ANKRD17: variants seen among roughly 807,000 people sequenced by gnomAD.
ANKRD17 encodes the protein ankyrin repeat domain 17.
A neutral mutation model predicts 229.7 loss-of-function variants in ANKRD17; 19 were observed. The ratio of observed to expected loss-of-function variants is 0.08; its 90% CI spans 0.06 to 0.12. The LOEUF is 0.12. Among genes scored for constraint, ANKRD17 ranks in the 10% least tolerant of loss-of-function variants. ANKRD17 has a pLI of 1.00. For synonymous variants in ANKRD17, 1,112 were observed against 1,146.1 expected (o/e 0.97, Z 0.60); for missense variants, 2,176 against 3,176.8 (o/e 0.68, Z 7.57).
At chr4:73,145,810 A>C (rs1235740742) in intron 10 of ANKRD17, among the ~76,000 whole-genome samples, 1 of 152,178 alleles carries the variant, frequency 6.6e-6, no homozygotes, top group Non-Finnish European at 1.5e-5. Context: ...AAGTGGCCCC[A>C]GCAATAATCT....
intron 1 of ANKRD17, among the ~76,000 whole-genome samples, chr4:73,226,373 T>C (rs1010095025): frequency 2.0e-5 from 3 of 149,026 alleles, no homozygotes; most frequent in African/African-American, 7.4e-5. Flanking sequence ...CTAATAGTAA[T>C]AATTTCTTTT....
At chr4:73,103,724 C>T (rs1298609414) in intron 24 of ANKRD17, among the ~76,000 whole-genome samples, 1 of 152,104 alleles carries the variant, frequency 6.6e-6, no homozygotes, top group Non-Finnish European at 1.5e-5. Flanking sequence ...AATTCATAAG[C>T]CAAACAATAT....
rs80308728 is a variant in ANKRD17 at position 73,173,518 on chromosome 4, C to T, written c.547+3862G>A. Among the ~76,000 whole-genome samples, 393 of 152,224 alleles carry T rather than the reference C, an allele frequency of 2.6e-3. 2 individuals carry two copies. The highest frequency in any genetic ancestry group is 8.8e-3 in the African/African-American group (364 of 41,530). ...ATGTGGAGACTCACACCACAAACTC[C>T]GGCTCTAAGAACCACTGCAGGAACA... On this transcript the variant is annotated intron_variant, in intron 2 of 33. Coordinates refer to ENST00000358602, the MANE Select transcript of ANKRD17 (RefSeq NM_032217.5).
At chr4:73,221,787 A>G (rs1042335084) in intron 1 of ANKRD17, among the ~76,000 whole-genome samples, 2 of 152,226 alleles carry the variant, frequency 1.3e-5, no homozygotes, top group African/African-American at 4.8e-5. Flanking sequence ...AGGAAAGGGG[A>G]AAAGAGCACA....
Position 73,147,251 on chromosome 4 carries a change from T to C in ANKRD17, c.1749A>G (p.Leu583=), listed in dbSNP as rs1730410329. The change falls in exon 9 of 34, where the codon TTA becomes TTG. Residue 583 remains leucine (L), a synonymous_variant. Transcript: ENST00000358602. The part of the protein sequence containing the change: ...QEGHLELVKY[L]LAAGANVHAT... ...TGCAAAAATGCCTACCTGCAGCTAA[T>C]AAGTATTTAACTAACTCCAAATGAC... 1.9e-6 allele frequency: 3 copies of C among 1,539,636 alleles called. No homozygotes were observed. Among genetic ancestry groups the C allele is most frequent in the Non-Finnish European group, 2.6e-6 (3 of 1,144,922 alleles).
intron 5 of ANKRD17, 128 bp from the exon 6 acceptor site, chr4:73,154,241 A>C (rs1578208325): frequency 2.4e-6 from 1 of 411,744 alleles, no homozygotes; most frequent in Non-Finnish European, 4.0e-6. Flanking sequence ...ACATATACAT[A>C]TATGTAAATA....
At chr4:73,083,897 T>C (rs1721819723) in intron 30 of ANKRD17, among the ~76,000 whole-genome samples, 1 of 150,786 alleles carries the variant, frequency 6.6e-6, no homozygotes, top group South Asian at 2.1e-4. Context: ...TGTTATTTAT[T>C]CCAGTATTGC....
chr4:73,161,443 A>T, intron 2 of ANKRD17, 95 bp from the exon 3 acceptor site: 1 of 1,263,448 alleles, frequency 7.9e-7, no homozygotes, highest in Non-Finnish European at 1.1e-6. Flanking sequence ...ATGTTAACAA[A>T]TAACCTCCAA....
intron 22 of ANKRD17, among the ~76,000 whole-genome samples, chr4:73,117,066 T>A (rs1398577128): frequency 6.6e-6 from 1 of 151,998 alleles, no homozygotes. Flanking sequence ...TAATAACATA[T>A]AAAAATATGT....
chr4:73,222,982 T>A, intron 1 of ANKRD17: 2 of 1,535,012 alleles, frequency 1.3e-6, no homozygotes, highest in Non-Finnish European at 1.7e-6. Flanking sequence ...ACCTCAAGAA[T>A]GTCTTCTAGA....
chr4:73,215,475 G>C (rs1016234885), intron 1 of ANKRD17, among the ~76,000 whole-genome samples: 42 of 152,174 alleles, frequency 2.8e-4, no homozygotes, highest in Non-Finnish European at 1.0e-4. Flanking sequence ...GGCCAGGATG[G>C]TTTTGATCTC....
intron 1 of ANKRD17, among the ~76,000 whole-genome samples, chr4:73,227,604 A>C (rs1195463343): frequency 1.3e-5 from 2 of 152,142 alleles, no homozygotes; most frequent in Non-Finnish European, 2.9e-5. Flanking sequence ...TAAACATATA[A>C]AAATAATTTA....
intron 1 of ANKRD17, among the ~76,000 whole-genome samples, chr4:73,247,333 CAT>C (rs1744588711): frequency 6.6e-6 from 1 of 152,012 alleles, no homozygotes; most frequent in East Asian, 1.9e-4. Context: ...TCAAATTTAA[CAT>C]GTGCATACTC....
At chr4:73,151,634 A>T in intron 6 of ANKRD17, 110 bp from the exon 7 acceptor site, 1 of 779,592 alleles carries the variant, frequency 1.3e-6, no homozygotes, top group Non-Finnish European at 1.9e-6. Flanking sequence ...TTAAATTTAT[A>T]AGCATAATAA....
At chr4:73,175,575 C>T (rs553532014) in intron 2 of ANKRD17, among the ~76,000 whole-genome samples, 4 of 152,222 alleles carry the variant, frequency 2.6e-5, no homozygotes, top group East Asian at 1.9e-4. Flanking sequence ...GTTATAGTAA[C>T]CAAAATGGCA....
chr4:73,081,870 G>A (rs1721603380), intron 30 of ANKRD17, among the ~76,000 whole-genome samples: 1 of 152,214 alleles, frequency 6.6e-6, no homozygotes, highest in South Asian at 2.1e-4. Flanking sequence ...GGGCCACTGG[G>A]TGTGGTGGCT....
intron 16 of ANKRD17, among the ~76,000 whole-genome samples, chr4:73,131,828 C>A (rs577670062): frequency 2.6e-5 from 4 of 152,210 alleles, no homozygotes; most frequent in African/African-American, 9.6e-5. Flanking sequence ...ATCTGCAAGG[C>A]ATTAAGCCTG....
chr4:73,176,361 A>T (rs1734734107), intron 2 of ANKRD17, among the ~76,000 whole-genome samples: 1 of 150,776 alleles, frequency 6.6e-6, no homozygotes, highest in Non-Finnish European at 1.5e-5. Flanking sequence ...GAGAATGTAA[A>T]TTAATACAAC....
rs776005331 is a variant in ANKRD17, at chr4:73,136,656, T to TA, written c.3086-1392dup. Among the ~76,000 whole-genome samples the TA allele has an allele frequency of 6.8e-4, 104 of 152,140 alleles. 1 individual carries two copies. The highest frequency in any genetic ancestry group is 4.1e-4 in the Non-Finnish European group (28 of 67,970). The stretch of plus-strand genomic sequence containing the variant: ...GATAATCTAGCGATCTGGATATTGT[T>TA]ACTCCATATTGATAGTTTTGTATGT... On this transcript the variant is annotated intron_variant, in intron 15 of 33. Coordinates refer to ENST00000358602, the MANE Select transcript of ANKRD17 (RefSeq NM_032217.5).
Sources: allele counts gnomAD v4.1 joint callset (sites outside exome capture counted in the v4.1 genomes callset), GRCh38; gene constraint gnomAD v4.1.1; transcripts MANE v1.5; gene names NCBI Gene and HGNC (gene_info 2026-07-23, HGNC 2026-07-21).